Variants in ZNF521 observed in about 807,000 individuals in gnomAD.
The protein encoded by ZNF521 is zinc finger protein 521.
In ZNF521, 14 loss-of-function variants were observed where a neutral mutation model predicts 105.5. The observed-to-expected ratio is 0.13, with a 90% CI of 0.09 to 0.21. The LOEUF is 0.21. ZNF521 is among the 10% of genes least tolerant of loss of function. The pLI is 1.00. For missense variants in ZNF521, 1,233 were observed against 1,629.7 expected (o/e 0.76, Z 4.19); for synonymous variants, 635 against 606.0 (o/e 1.05, Z -0.70).
intron 4 of ZNF521, among the ~76,000 whole-genome samples, chr18:25,217,024 A>T (rs900114197): frequency 6.6e-6 from 1 of 152,150 alleles, no homozygotes; most frequent in Non-Finnish European, 1.5e-5. Flanking sequence ...CATGTTCAGG[A>T]TCTGGGCAGA....
At chr18:25,104,730 T>C (rs930986393) in intron 5 of ZNF521, among the ~76,000 whole-genome samples, 1 of 152,162 alleles carries the variant, frequency 6.6e-6, no homozygotes, top group African/African-American at 2.4e-5. Context: ...TAGGGTCTGA[T>C]CTGAACCAGT....
chr18:25,189,333 T>C (rs921971958), intron 5 of ZNF521, among the ~76,000 whole-genome samples: 5 of 152,232 alleles, frequency 3.3e-5, no homozygotes, highest in African/African-American at 1.2e-4. Flanking sequence ...TTTTGCTAAA[T>C]TGTGGAGATA....
At chr18:25,197,078 G>C (rs1397284564) in intron 4 of ZNF521, among the ~76,000 whole-genome samples, 6 of 151,726 alleles carry the variant, frequency 4.0e-5, no homozygotes, top group Non-Finnish European at 4.4e-5. Context: ...ATAATAAAAT[G>C]CCAGCACTTA....
At chr18:25,140,990 C>T (rs1439367574) in intron 5 of ZNF521, among the ~76,000 whole-genome samples, 3 of 152,128 alleles carry the variant, frequency 2.0e-5, no homozygotes, top group Non-Finnish European at 2.9e-5. Flanking sequence ...AAAATCAAAT[C>T]CAAAGGCACT....
intron 3 of ZNF521, among the ~76,000 whole-genome samples, chr18:25,289,844 T>C (rs981708693): frequency 2.6e-5 from 4 of 152,214 alleles, no homozygotes; most frequent in African/African-American, 9.6e-5. Flanking sequence ...CCGCACACAA[T>C]AAAAGTGTAG....
rs1912215297 is a variant in ZNF521 at position 25,310,129 on chromosome 18, G to A, written c.220+11879C>T. Among the ~76,000 whole-genome samples, 3 of 152,168 alleles carry A rather than the reference G, an allele frequency of 2.0e-5. No homozygotes were observed. The South Asian group carries it at 6.2e-4, about 32-fold the overall frequency. On this transcript the variant is annotated intron_variant, in intron 3 of 7. Coordinates refer to ENST00000361524, the MANE Select transcript of ZNF521 (RefSeq NM_015461.3). ...ACAGCAGAAAACCAACATGTCTGAG[G>A]TCATCAAAATGGGCACAACTCCAAG...
intron 5 of ZNF521, among the ~76,000 whole-genome samples, chr18:25,130,501 G>T (rs2034620621): frequency 6.6e-6 from 1 of 152,114 alleles, no homozygotes; most frequent in Non-Finnish European, 1.5e-5. Flanking sequence ...TATCATTATT[G>T]GTTCATCAAT....
intron 2 of ZNF521, among the ~76,000 whole-genome samples, chr18:25,322,626 G>A (rs1288176410): frequency 6.7e-6 from 1 of 149,674 alleles, no homozygotes; most frequent in East Asian, 2.0e-4. Flanking sequence ...ACCAGAATTA[G>A]CCAAAAGTCT....
intron 3 of ZNF521, among the ~76,000 whole-genome samples, chr18:25,290,100 T>G (rs1910929285): frequency 6.6e-6 from 1 of 152,110 alleles, no homozygotes; most frequent in Non-Finnish European, 1.5e-5. Context: ...CAAAGCAAAA[T>G]GAAAAGCAAT....
intron 5 of ZNF521, among the ~76,000 whole-genome samples, chr18:25,122,319 C>T (rs1179170145): frequency 1.3e-5 from 2 of 152,046 alleles, no homozygotes; most frequent in Admixed American, 6.5e-5. Flanking sequence ...GGCTAATATA[C>T]CTATGACTAA....
rs36175281 is a variant in ZNF521, at chr18:25,139,372, C to CAAAAAAAAAAAAAAAAAAAAAAAAAA, written c.3659-47317_3659-47292dup. Among the ~76,000 whole-genome samples the CAAAAAAAAAAAAAAAAAAAAAAAAAA allele has an allele frequency of 1.6e-4, 8 of 51,388 alleles. 1 individual carries two copies. Among genetic ancestry groups the CAAAAAAAAAAAAAAAAAAAAAAAAAA allele is most frequent in the Admixed American group, 3.1e-4 (1 of 3,188 alleles). The allele number at this position is 51,388 out of a possible 152,430, so 33.7% of individuals were successfully genotyped here. ...TGGGCGACAGAGCAAGACTCTGTCT[C>CAAAAAAAAAAAAAAAAAAAAAAAAAA]AAAAAAAAAAAAAAAAAAAAAAAAA... On this transcript the variant is annotated intron_variant, in intron 5 of 7. Coordinates refer to ENST00000361524, the MANE Select transcript of ZNF521 (RefSeq NM_015461.3).
chr18:25,285,027 A>T (rs565460378), intron 3 of ZNF521, among the ~76,000 whole-genome samples: 4 of 151,872 alleles, frequency 2.6e-5, no homozygotes, highest in Middle Eastern at 3.4e-3. Flanking sequence ...TTTGTCTTTA[A>T]GGACTTAGCT....
intron 3 of ZNF521, among the ~76,000 whole-genome samples, chr18:25,319,932 T>C (rs1219561049): frequency 6.6e-6 from 1 of 152,068 alleles, no homozygotes; most frequent in East Asian, 1.9e-4. Flanking sequence ...CAAACCCAAA[T>C]TGATGGGTAT....
chr18:25,225,844 T>C lies in ZNF521; in HGVS notation c.2074A>G (p.Thr692Ala). 3 of 1,614,170 alleles carry C rather than the reference T, an allele frequency of 1.9e-6. No homozygotes were observed. Among genetic ancestry groups the C allele is most frequent in the South Asian group, 1.1e-5 (1 of 91,088 alleles). ...HVTIHFMITSTYYICESCDKQ... is the reference protein window; with the variant it reads ...HVTIHFMITSAYYICESCDKQ... ...TCACAACTCTCACAGATGTAATACG[T>C]TGAAGTGATCATAAAGTGAATGGTA... The change falls in exon 4 of 8, where the codon ACG (threonine) becomes GCG (alanine). Residue 692 changes from threonine to alanine, a missense_variant. This residue lies in a region of ZNF521 where 614 missense variants were observed against 751.5 expected (regional missense o/e 0.82). Coordinates refer to ENST00000361524, the MANE Select transcript of ZNF521 (RefSeq NM_015461.3). The surrounding 1 kb of genome is among the most constrained non-coding windows in gnomAD (Gnocchi z 5.6).
At chr18:25,338,259 T>TTGTG (rs34813730) in intron 2 of ZNF521, among the ~76,000 whole-genome samples, 17,025 of 136,448 alleles carry the variant, frequency 0.12, 1,099 homozygotes, top group South Asian at 0.19. Flanking sequence ...TCATAGACTT[T>TTGTG]TGTGTGTGTG....
At chr18:25,190,238 A>G (rs903206359) in intron 5 of ZNF521, among the ~76,000 whole-genome samples, 1 of 151,988 alleles carries the variant, frequency 6.6e-6, no homozygotes, top group African/African-American at 2.4e-5. Flanking sequence ...TTTTGTAAGC[A>G]ATCAAATAAG....
chr18:25,274,023 T>C (rs1481517113), intron 3 of ZNF521, among the ~76,000 whole-genome samples: 1 of 152,140 alleles, frequency 6.6e-6, no homozygotes, highest in Non-Finnish European at 1.5e-5. Context: ...AGCTTAGAGG[T>C]AGCTGGTGGA....
chr18:25,113,751 A>AGAAC (rs1555635293), intron 5 of ZNF521, among the ~76,000 whole-genome samples: 1 of 131,490 alleles, frequency 7.6e-6, no homozygotes, highest in African/African-American at 2.9e-5. Flanking sequence ...GGCAGACCGA[A>AGAAC]GGACGGACGG....
intron 4 of ZNF521, among the ~76,000 whole-genome samples, chr18:25,211,083 A>G (rs2144684351): frequency 6.6e-6 from 1 of 152,378 alleles, no homozygotes; most frequent in East Asian, 1.9e-4. Context: ...AGTGTAATAC[A>G]TGGATACTGC....
Sources: gnomAD v4.1 joint callset for allele counts (sites outside exome capture counted in the v4.1 genomes callset) on GRCh38, gnomAD v4.1.1 for gene constraint, gnomAD v4.1.1 regional missense constraint, Gnocchi (gnomAD v3.1) non-coding constraint, MANE v1.5 for transcripts, NCBI Gene and HGNC (gene_info 2026-07-23, HGNC 2026-07-21) for gene names.